CTNNA2: variants seen among roughly 807,000 people sequenced by gnomAD.
CTNNA2 encodes the protein catenin alpha 2, also known as catenin alpha-2.
Under a neutral mutation model 101.0 loss-of-function variants are expected in CTNNA2, and 42 were observed. The ratio of observed to expected loss-of-function variants is 0.42; its 90% CI spans 0.32 to 0.54. The LOEUF (loss-of-function observed/expected upper bound fraction) is 0.54, where lower values mean the gene tolerates loss of function less well. CTNNA2 is among the 20% of genes least tolerant of loss of function. The pLI, the probability that CTNNA2 is intolerant of heterozygous loss-of-function variation, is 0.14. For synonymous variants in CTNNA2, 450 were observed against 456.4 expected (o/e 0.99, Z 0.18); for missense variants, 871 against 1,223.1 (o/e 0.71, Z 4.29).
chr2:79,706,394 A>G (rs796176428), intron 2 of CTNNA2, among the ~76,000 whole-genome samples: 2 of 148,840 alleles, frequency 1.3e-5, no homozygotes, highest in South Asian at 4.3e-4. Flanking sequence ...AAAAATTAGC[A>G]TGTGTGGATT....
chr2:80,271,421 C>CT (rs201098852), intron 7 of CTNNA2, among the ~76,000 whole-genome samples: 9,378 of 139,740 alleles, frequency 0.067, 482 homozygotes, highest in South Asian at 0.27. Flanking sequence ...TATCCTCAGT[C>CT]TTTTTTTTTT....
At chr2:80,288,073 A>G (rs1390975182) in intron 7 of CTNNA2, among the ~76,000 whole-genome samples, 2 of 152,016 alleles carry the variant, frequency 1.3e-5, no homozygotes, top group Non-Finnish European at 2.9e-5. Context: ...CTCAAAACCC[A>G]TTTTTGGGCC....
intron 1 of CTNNA2, among the ~76,000 whole-genome samples, chr2:79,529,560 A>G (rs543577297): frequency 6.6e-6 from 1 of 152,084 alleles, no homozygotes; most frequent in Non-Finnish European, 1.5e-5. Context: ...AAGCATTTTA[A>G]GTATGGGATC....
At chr2:80,646,044 A>T (rs892300120) in intron 18 of CTNNA2, among the ~76,000 whole-genome samples, 1 of 152,180 alleles carries the variant, frequency 6.6e-6, no homozygotes, top group Non-Finnish European at 1.5e-5. Context: ...CCAAAGGAAC[A>T]GTATCACAGT....
At chr2:79,696,627 C>T (rs771950541) in intron 2 of CTNNA2, among the ~76,000 whole-genome samples, 1 of 152,040 alleles carries the variant, frequency 6.6e-6, no homozygotes, top group Non-Finnish European at 1.5e-5. Context: ...TACAATCTCA[C>T]ATGCCCATCT....
chr2:80,589,219 T>C, intron 14 of CTNNA2, 85 bp from the exon 15 acceptor site: 1 of 1,387,642 alleles, frequency 7.2e-7, no homozygotes, highest in East Asian at 2.3e-5. Context: ...AGGGTCTGGC[T>C]CTGCCATCCG....
chr2:79,905,058 A>C (rs1685327288), intron 6 of CTNNA2, among the ~76,000 whole-genome samples: 1 of 152,226 alleles, frequency 6.6e-6, no homozygotes, highest in African/African-American at 2.4e-5. Flanking sequence ...GCAGAATAGG[A>C]TTCTAGTCTT....
chr2:79,711,425 T>G (rs1685730968), intron 2 of CTNNA2, among the ~76,000 whole-genome samples: 1 of 152,184 alleles, frequency 6.6e-6, no homozygotes, highest in Non-Finnish European at 1.5e-5. Flanking sequence ...CTGATTTCTC[T>G]CTTTCTCCTC....
intron 7 of CTNNA2, among the ~76,000 whole-genome samples, chr2:79,986,923 C>A (rs892017038): frequency 2.0e-5 from 3 of 152,130 alleles, no homozygotes; most frequent in Non-Finnish European, 2.9e-5. Context: ...TTGATCTGCC[C>A]TGAGTTTACA....
intron 2 of CTNNA2, among the ~76,000 whole-genome samples, chr2:79,720,194 G>C (rs1380469363): frequency 2.0e-5 from 3 of 152,096 alleles, no homozygotes; most frequent in Non-Finnish European, 4.4e-5. Context: ...AGGAAGATCA[G>C]ATGATTGTAA....
rs559736659 is a variant in CTNNA2 at position 80,352,361 on chromosome 2, A to G, written c.1057-40850A>G. 2.6e-5 allele frequency among the ~76,000 whole-genome samples: 4 copies of G among 152,270 alleles called. No individual in the cohort carries two copies. In the South Asian group the frequency reaches 6.2e-4, roughly 24 times the overall value. ...TTATTGCCTGAGGCTAATGTAATGG[A>G]TATTGAAAATGCCTTACTACTCTGC... On this transcript the variant is annotated intron_variant, in intron 7 of 18. Transcript: ENST00000402739.
chr2:80,406,651 C>A (rs1314091634), intron 8 of CTNNA2, among the ~76,000 whole-genome samples: 2 of 151,778 alleles, frequency 1.3e-5, no homozygotes, highest in Non-Finnish European at 2.9e-5. Context: ...GCGGTGAAAC[C>A]CTGTCTCTAC....
intron 7 of CTNNA2, among the ~76,000 whole-genome samples, chr2:79,937,455 T>C (rs1687865716): frequency 6.6e-6 from 1 of 152,252 alleles, no homozygotes; most frequent in African/African-American, 2.4e-5. Flanking sequence ...AGGCTATGTC[T>C]TCACTCATGA....
chr2:79,362,714 G>A (rs1374883981), intron 3 of CTNNA2, among the ~76,000 whole-genome samples: 1 of 152,164 alleles, frequency 6.6e-6, no homozygotes, highest in Non-Finnish European at 1.5e-5. Flanking sequence ...ATGTGATTTG[G>A]CACAGCAGTT....
At chr2:79,889,408 C>A (rs1684146318) in intron 6 of CTNNA2, among the ~76,000 whole-genome samples, 1 of 152,128 alleles carries the variant, frequency 6.6e-6, no homozygotes, top group African/African-American at 2.4e-5. Context: ...AACAATTACT[C>A]ATATGCACGT....
intron 7 of CTNNA2, among the ~76,000 whole-genome samples, chr2:80,315,964 G>A (rs1046095100): frequency 1.3e-5 from 2 of 152,066 alleles, no homozygotes; most frequent in African/African-American, 4.8e-5. Context: ...GTAACAAATC[G>A]GAATCTACAT....
chr2:79,885,093 C>T (rs1474991483), intron 6 of CTNNA2, among the ~76,000 whole-genome samples: 1 of 152,052 alleles, frequency 6.6e-6, no homozygotes, highest in Non-Finnish European at 1.5e-5. Flanking sequence ...ATTTCAGGTT[C>T]CCAGCCCATT....
chr2:80,393,102 T>TA, intron 7 of CTNNA2, 109 bp from the exon 8 acceptor site: 4 of 779,966 alleles, frequency 5.1e-6, no homozygotes, highest in Non-Finnish European at 8.0e-6. Context: ...ATAATCTTTT[T>TA]AAAAAATTGT....
rs140193138 is a variant in CTNNA2, at chr2:79,991,439, G to T, written c.1056+81642G>T. ...ACTATCCTTATAACCTTGCGCAGGT[G>T]ACTTAATTTCTCTAGATCTCCCCTA... On this transcript the variant is annotated intron_variant, in intron 7 of 18. Transcript: ENST00000402739. Among the ~76,000 whole-genome samples the T allele has an allele frequency of 4.0e-3, 613 of 152,134 alleles. 4 individuals carry two copies. The highest frequency in any genetic ancestry group is 0.013 in the African/African-American group (530 of 41,508).
Sources: allele counts gnomAD v4.1 joint callset (sites outside exome capture counted in the v4.1 genomes callset), GRCh38; gene constraint gnomAD v4.1.1; transcripts MANE v1.5; gene names NCBI Gene and HGNC (gene_info 2026-07-23, HGNC 2026-07-21).